Variants in MYH9 observed in about 807,000 individuals in gnomAD.
MYH9 encodes the protein myosin heavy chain 9.
A neutral mutation model predicts 241.9 loss-of-function variants in MYH9; 29 were observed. The ratio of observed to expected loss-of-function variants is 0.12; its 90% CI spans 0.09 to 0.16. The LOEUF is 0.16. MYH9 is among the 10% of genes least tolerant of loss of function. The probability of loss-of-function intolerance (pLI) is 1.00; values close to 1 mark genes in which losing one functional copy is unlikely to be tolerated. For synonymous variants in MYH9, 1,047 were observed against 1,062.6 expected, an observed-to-expected ratio of 0.99 and a Z score of 0.29; for missense variants, 1,803 against 2,595.5, an observed-to-expected ratio of 0.69 and a Z score of 6.63.
chr22:36,285,096 G>T lies in MYH9; in HGVS notation c.5483+25C>A. The T allele has an allele frequency of 7.4e-6, 12 of 1,610,778 alleles. No homozygotes were observed. Among genetic ancestry groups the T allele is most frequent in the Non-Finnish European group, 1.0e-5 (12 of 1,178,198 alleles). On this transcript the variant is annotated intron_variant, in intron 38 of 40. Transcript: ENST00000216181. The surrounding 1 kb of genome is among the most constrained non-coding windows in gnomAD (Gnocchi z 7.0). ...CAGAGTTTTTTCCAGGACAGCTGGG[G>T]TTGGGCGGGGCCAGGGGCACGTACT... is the stretch of plus-strand genomic sequence containing the variant.
intron 1 of MYH9, among the ~76,000 whole-genome samples, chr22:36,357,403 T>C (rs1416297681): frequency 6.6e-6 from 1 of 152,174 alleles, no homozygotes; most frequent in Non-Finnish European, 1.5e-5. Context: ...ACTATGGCTA[T>C]CTGGGGCCAG....
In MYH9 at chr22:36,293,199, G is replaced by T; in HGVS notation, c.4095+130C>A. Reference sequence around the variant, plus strand: ...GAGAGCACTGATGTGGGAGAGCACGGTTGGCTTCCCAGGGGGAGAGCAGCA... The same window carrying T: ...GAGAGCACTGATGTGGGAGAGCACGTTTGGCTTCCCAGGGGGAGAGCAGCA... On this transcript the variant is annotated intron_variant, in intron 30 of 40. Coordinates refer to ENST00000216181, the MANE Select transcript of MYH9 (RefSeq NM_002473.6). This position sits in a 1 kb window ranked among gnomAD's most constrained non-coding sequence, Gnocchi z 5.1. The T allele has an allele frequency of 8.4e-7, 1 of 1,192,986 alleles. No homozygotes were observed. Among genetic ancestry groups the T allele is most frequent in the Non-Finnish European group, 1.2e-6 (1 of 835,554 alleles). The allele number at this position is 1,192,986 out of a possible 1,614,324, so 73.9% of individuals were successfully genotyped here. A position where few individuals can be genotyped will look rare whatever the true frequency, so the allele number is the denominator to read the frequency against.
At chr22:36,341,320 G>C in intron 3 of MYH9, 50 bp downstream of exon 3, 1 of 1,608,814 alleles carries the variant, frequency 6.2e-7, no homozygotes, top group African/African-American at 1.3e-5. Context: ...GTGTCAATGA[G>C]GCCCCAGGTG....
At chr22:36,355,342 C>T (rs1192438486) in intron 1 of MYH9, among the ~76,000 whole-genome samples, 2 of 152,190 alleles carry the variant, frequency 1.3e-5, no homozygotes, top group African/African-American at 4.8e-5. Context: ...TTCTCCCCTT[C>T]CCCACAAACA....
intron 27 of MYH9, among the ~76,000 whole-genome samples, chr22:36,294,658 T>G (rs1221941721): frequency 1.3e-5 from 2 of 152,262 alleles, no homozygotes; most frequent in African/African-American, 4.8e-5. Flanking sequence ...TGTTTGCAGT[T>G]AGACTTCCAA....
chr22:36,283,254 AGGCCTG>A (rs2016521916), intron 40 of MYH9, among the ~76,000 whole-genome samples: 1 of 152,132 alleles, frequency 6.6e-6, no homozygotes, highest in South Asian at 2.1e-4. Context: ...AGCCCCATGA[AGGCCTG>A]GCACGGTGGC....
At chr22:36,380,647 A>G (rs963258299) in intron 1 of MYH9, among the ~76,000 whole-genome samples, 29 of 152,306 alleles carry the variant, frequency 1.9e-4, no homozygotes, top group African/African-American at 7.0e-4. Flanking sequence ...AGGCTGAGGC[A>G]GGAGAATCGC....
chr22:36,337,036 G>C (rs568828792), intron 3 of MYH9, among the ~76,000 whole-genome samples: 1 of 151,746 alleles, frequency 6.6e-6, no homozygotes, highest in African/African-American at 2.4e-5. Context: ...TTCCTGCATC[G>C]AGTCTCAAAT....
chr22:36,331,231 T>A (rs931846487), intron 3 of MYH9, among the ~76,000 whole-genome samples: 1 of 151,974 alleles, frequency 6.6e-6, no homozygotes, highest in Non-Finnish European at 1.5e-5. Flanking sequence ...GAAATGGTGT[T>A]CCTGTCGTAC....
chr22:36,354,453 A>AT (rs966489681), intron 1 of MYH9, among the ~76,000 whole-genome samples: 31 of 143,668 alleles, frequency 2.2e-4, no homozygotes, highest in African/African-American at 6.2e-4. Flanking sequence ...TACCATCTTT[A>AT]TTTTTTTTTG....
In MYH9 at chr22:36,300,600, G is replaced by A. The variant is rs931646539; in HGVS notation, c.2838+251C>T. Among the ~76,000 whole-genome samples, 1 of 152,196 alleles carries A rather than the reference G, an allele frequency of 6.6e-6. No homozygotes were observed. Among genetic ancestry groups the A allele is most frequent in the Non-Finnish European group, 1.5e-5 (1 of 68,038 alleles). On this transcript the variant is annotated intron_variant, in intron 22 of 40. Transcript: ENST00000216181. The surrounding 1 kb of genome is among the most constrained non-coding windows in gnomAD (Gnocchi z 5.0). ...CCCTGTGCCCCTTCGGCTAGCCAGG[G>A]CCAGGGCTAATGGCAGGGAAATCAA...
At chr22:36,284,658 C>T (rs920718380) in intron 38 of MYH9, 147 bp from the exon 39 acceptor site, 21 of 762,660 alleles carry the variant, frequency 2.8e-5, no homozygotes, top group East Asian at 5.4e-5. Flanking sequence ...TATGTGTACC[C>T]GGCTTCTTAC....
chr22:36,347,139 C>T (rs1053334851), intron 2 of MYH9, among the ~76,000 whole-genome samples: 12 of 152,090 alleles, frequency 7.9e-5, no homozygotes, highest in Non-Finnish European at 1.6e-4. Context: ...ACCCCAGAGC[C>T]CGTTGCCTCT....
At chr22:36,327,727 C>T (rs985749191) in intron 3 of MYH9, among the ~76,000 whole-genome samples, 1 of 152,212 alleles carries the variant, frequency 6.6e-6, no homozygotes, top group Non-Finnish European at 1.5e-5. Flanking sequence ...GTTCAGCCCC[C>T]ACCAGAAAAC....
At position 36,316,686 on chromosome 22, in the gene MYH9, G is replaced by C. The variant is rs1290211131; in HGVS notation, c.1228-17C>G. ...AAAGTCAGCCTGCGGGGCACACCCG[G>C]GGAGCGTGGTGTCAGATACAAAGGA... On this transcript the variant is annotated splice_polypyrimidine_tract_variant and intron_variant, in intron 11 of 40. Coordinates refer to ENST00000216181, the MANE Select transcript of MYH9 (RefSeq NM_002473.6). 1 of 1,613,268 alleles carries C rather than the reference G, an allele frequency of 6.2e-7. No individual in the cohort carries two copies. The highest frequency in any genetic ancestry group is 8.5e-7 in the Non-Finnish European group (1 of 1,180,028).
chr22:36,295,987 G>A lies in MYH9; in HGVS notation c.3273-270C>T, dbSNP rs1277131456. Among the ~76,000 whole-genome samples the A allele has an allele frequency of 1.3e-5, 2 of 152,220 alleles. No individual in the cohort carries two copies. Among genetic ancestry groups the A allele is most frequent in the Non-Finnish European group, 2.9e-5 (2 of 68,044 alleles). ...CAAATATTTTTAAAAGTCAAATGAT[G>A]TGTTAAATGGGAAGAAAAGGAAATA... is the stretch of plus-strand genomic sequence containing the variant. On this transcript the variant is annotated intron_variant, in intron 25 of 40. Coordinates refer to ENST00000216181, the MANE Select transcript of MYH9 (RefSeq NM_002473.6). This position sits in a 1 kb window ranked among gnomAD's most constrained non-coding sequence, Gnocchi z 4.1.
chr22:36,362,426 A>G (rs939720303), intron 1 of MYH9, among the ~76,000 whole-genome samples: 3 of 152,154 alleles, frequency 2.0e-5, no homozygotes, highest in African/African-American at 7.2e-5. Context: ...ACTACACAAT[A>G]AAGTGTCCAA....
At chr22:36,371,777 C>T (rs959239134) in intron 1 of MYH9, among the ~76,000 whole-genome samples, 1 of 152,026 alleles carries the variant, frequency 6.6e-6, no homozygotes, top group Non-Finnish European at 1.5e-5. Context: ...TCAGGTGATC[C>T]GCCCGCCTCG....
Position 36,299,030 on chromosome 22 carries a change from G to A in MYH9, c.2989C>T (p.Leu997=), listed in dbSNP as rs757028068. ...GTGAACTCAGCTATTCTGTCTTCCA[G>A]CAGTTTCTTTTCCTGGGGAGAGGGG... ...NCKLAKEKKL[L]EDRIAEFTTN... is the part of the protein sequence containing the mutation. Residue 997 remains leucine, a synonymous_variant, in exon 24 of 41, where the codon CTG becomes TTG. Coordinates refer to ENST00000216181, the MANE Select transcript of MYH9 (RefSeq NM_002473.6). 8.7e-6 allele frequency: 14 copies of A among 1,613,974 alleles called. No homozygotes were observed. The highest frequency in any genetic ancestry group is 3.3e-4 in the Middle Eastern group (2 of 6,082).
Sources: gnomAD v4.1 joint callset for allele counts (sites outside exome capture counted in the v4.1 genomes callset) on GRCh38, gnomAD v4.1.1 for gene constraint, Gnocchi (gnomAD v3.1) non-coding constraint, MANE v1.5 for transcripts, NCBI Gene and HGNC (gene_info 2026-07-23, HGNC 2026-07-21) for gene names.